Variants in TBCK observed in about 807,000 individuals in gnomAD.
The protein encoded by TBCK is TBC domain-containing protein kinase-like protein.
Under a neutral mutation model 113.4 loss-of-function variants are expected in TBCK, and 99 were observed. The ratio of observed to expected loss-of-function variants is 0.87; its 90% CI spans 0.74 to 1.03. TBCK has a LOEUF of 1.03. TBCK is among the 50% of genes least tolerant of loss of function. The pLI, the probability that TBCK is intolerant of heterozygous loss-of-function variation, is 0.00. For synonymous variants in TBCK, 369 were observed against 370.8 expected (o/e 1.00, Z 0.05); for missense variants, 1,045 against 1,061.3 (o/e 0.98, Z 0.21).
rs765407874 is a variant in TBCK at position 106,242,469 on chromosome 4, C to T, written c.1170+1G>A. 7 of 1,593,048 alleles carry T rather than the reference C, an allele frequency of 4.4e-6. No individual in the cohort carries two copies. The highest frequency in any genetic ancestry group is 6.0e-6 in the Non-Finnish European group (7 of 1,170,962). Reference sequence around the variant, plus strand: ...CAGAACTGTCAAAATATCTTTCTTACATTTCTTAGCTGGCATAACGACAAT... The same window carrying T: ...CAGAACTGTCAAAATATCTTTCTTATATTTCTTAGCTGGCATAACGACAAT... On this transcript the variant is annotated splice_donor_variant, in intron 12 of 25. Coordinates refer to ENST00000394708, the MANE Select transcript of TBCK (RefSeq NM_001163435.3). LOFTEE classifies it high-confidence loss of function.
intron 19 of TBCK, among the ~76,000 whole-genome samples, chr4:106,218,202 T>A (rs1757216669): frequency 6.9e-6 from 1 of 145,318 alleles, no homozygotes; most frequent in Non-Finnish European, 1.5e-5. Flanking sequence ...TCCTTACACC[T>A]TATACAAAAA....
Position 106,042,331 on chromosome 4 carries a change from A to G in TBCK, c.*4239T>C, listed in dbSNP as rs1733915430. The G allele has an allele frequency of 1.3e-5, 2 of 152,042 alleles. No homozygotes were observed. The highest frequency in any genetic ancestry group is 4.8e-5 in the African/African-American group (2 of 41,396). 9.4% of individuals were successfully genotyped at this position (152,042 alleles called of 1,614,324 possible). A position where few individuals can be genotyped will look rare whatever the true frequency, so the allele number is the denominator to read the frequency against. On this transcript the variant is annotated 3_prime_UTR_variant, in exon 26 of 26. Coordinates refer to ENST00000394708, the MANE Select transcript of TBCK (RefSeq NM_001163435.3). ...CAGCAGTCTTCTCTCCTTGTAGTGG[A>G]TTTTATTAAATAAGACTACTGCATA...
chr4:106,095,359 A>C, intron 25 of TBCK, 123 bp downstream of exon 25: 2 of 849,096 alleles, frequency 2.4e-6, no homozygotes, highest in South Asian at 5.6e-5. Context: ...AACACAGACA[A>C]ATCTTCAAAG....
At chr4:106,204,680 T>C (rs899258658) in intron 20 of TBCK, among the ~76,000 whole-genome samples, 1 of 151,886 alleles carries the variant, frequency 6.6e-6, no homozygotes, top group African/African-American at 2.4e-5. Flanking sequence ...TGGGTAATCA[T>C]CTGTGAGCTA....
At chr4:106,180,001 T>C (rs1752150104) in intron 22 of TBCK, among the ~76,000 whole-genome samples, 1 of 152,092 alleles carries the variant, frequency 6.6e-6, no homozygotes, top group African/African-American at 2.4e-5. Flanking sequence ...TCTTTTGTCT[T>C]TTTTAAAACT....
chr4:106,124,232 C>CA (rs1277488231), intron 23 of TBCK, among the ~76,000 whole-genome samples: 10 of 152,094 alleles, frequency 6.6e-5, no homozygotes, highest in Admixed American at 2.0e-4. Flanking sequence ...TTTATGCAGC[C>CA]AAAAAACACA....
intron 20 of TBCK, among the ~76,000 whole-genome samples, chr4:106,198,690 C>T (rs996779884): frequency 6.6e-6 from 1 of 152,056 alleles, no homozygotes; most frequent in Admixed American, 6.6e-5. Context: ...CCTATCACAA[C>T]ATACTTGTAC....
intron 20 of TBCK, among the ~76,000 whole-genome samples, chr4:106,209,240 ATATAT>A (rs1755857262): frequency 2.0e-5 from 3 of 151,302 alleles, no homozygotes; most frequent in Non-Finnish European, 3.0e-5. Flanking sequence ...GCATAAATAA[ATATAT>A]TATGTCACAA....
chr4:106,213,939 C>T (rs1032375591), intron 19 of TBCK, among the ~76,000 whole-genome samples: 4 of 152,186 alleles, frequency 2.6e-5, no homozygotes, highest in Admixed American at 6.5e-5. Flanking sequence ...AAAAAGACAG[C>T]AGTAACCTCT....
At chr4:106,150,665 G>A (rs1560724335) in intron 23 of TBCK, among the ~76,000 whole-genome samples, 2 of 151,988 alleles carry the variant, frequency 1.3e-5, no homozygotes, top group Non-Finnish European at 2.9e-5. Context: ...GGGTACAGGG[G>A]TGAACAAGAT....
rs1466157475 is a variant in TBCK, at chr4:106,135,648, TA to T, written c.2236-19271del. On this transcript the variant is annotated intron_variant, in intron 23 of 25. Transcript: ENST00000394708. ...GAAGACTGTTGTAGAAGTGGGTTACTATAAAAGCTCTGGAGGAGCGCAGAAA... is the reference window on the plus strand; with the variant it reads ...GAAGACTGTTGTAGAAGTGGGTTACTTAAAAGCTCTGGAGGAGCGCAGAAA... 1.4e-5 allele frequency among the ~76,000 whole-genome samples: 2 copies of T among 142,050 alleles called. 1 individual carries two copies. Among genetic ancestry groups the T allele is most frequent in the Non-Finnish European group, 3.2e-5 (2 of 62,552 alleles). The allele number at this position is 142,050 out of a possible 152,430, so 93.2% of individuals were successfully genotyped here. A position where few individuals can be genotyped will look rare whatever the true frequency, so the allele number is the denominator to read the frequency against.
intron 15 of TBCK, among the ~76,000 whole-genome samples, chr4:106,235,021 C>G (rs1464732704): frequency 6.6e-6 from 1 of 151,994 alleles, no homozygotes; most frequent in Admixed American, 6.6e-5. Flanking sequence ...TGGTAATAAT[C>G]AAAACATTTT....
At chr4:106,308,397 T>C (rs999252610) in intron 2 of TBCK, among the ~76,000 whole-genome samples, 5 of 151,948 alleles carry the variant, frequency 3.3e-5, no homozygotes, top group African/African-American at 9.7e-5. Flanking sequence ...TGAGAGAAAA[T>C]TGCAAAGTAC....
intron 10 of TBCK, among the ~76,000 whole-genome samples, chr4:106,246,095 G>A (rs1423260491): frequency 6.6e-6 from 1 of 152,156 alleles, no homozygotes; most frequent in Non-Finnish European, 1.5e-5. Flanking sequence ...GGCAACGGCT[G>A]GCTGCCTTTT....
At chr4:106,156,573 T>A (rs994148223) in intron 23 of TBCK, among the ~76,000 whole-genome samples, 3 of 152,170 alleles carry the variant, frequency 2.0e-5, no homozygotes, top group African/African-American at 7.2e-5. Context: ...AAGCTGGCAC[T>A]CAAATCATGA....
chr4:106,068,970 C>T (rs940023956), intron 25 of TBCK, among the ~76,000 whole-genome samples: 67 of 136,766 alleles, frequency 4.9e-4, no homozygotes, highest in Admixed American at 9.9e-4. Context: ...TCATGTCCTT[C>T]GCCCACTTTT....
At chr4:106,092,223 T>C (rs975908691) in intron 25 of TBCK, among the ~76,000 whole-genome samples, 1 of 151,960 alleles carries the variant, frequency 6.6e-6, no homozygotes, top group Admixed American at 6.6e-5. Context: ...CTGACTGGTA[T>C]GTTTACAAAC....
At chr4:106,288,224 T>C (rs1016873505) in intron 3 of TBCK, among the ~76,000 whole-genome samples, 3 of 152,014 alleles carry the variant, frequency 2.0e-5, no homozygotes, top group Non-Finnish European at 2.9e-5. Context: ...TGCAACCCTG[T>C]CTGTACTAAA....
At chr4:106,197,109 GC>G (rs1754319540) in intron 20 of TBCK, among the ~76,000 whole-genome samples, 1 of 151,986 alleles carries the variant, frequency 6.6e-6, no homozygotes, top group Non-Finnish European at 1.5e-5. Context: ...CCCTAAAATT[GC>G]CCAATTTACT....
Sources: allele counts gnomAD v4.1 joint callset (sites outside exome capture counted in the v4.1 genomes callset), GRCh38; gene constraint gnomAD v4.1.1; transcripts MANE v1.5; gene names NCBI Gene and HGNC (gene_info 2026-07-23, HGNC 2026-07-21).